The following ACTN4 variants were observed in gnomAD, a reference collection of about 807,000 sequenced individuals.
ACTN4 encodes the protein alpha-actinin-4.
ACTN4 carries 18 observed loss-of-function variants against 114.2 expected under a neutral mutation model. That is an observed-to-expected ratio of 0.16 (90% CI 0.11 to 0.23). The LOEUF is 0.23. Among genes scored for constraint, ACTN4 ranks in the 10% least tolerant of loss-of-function variants. The pLI is 1.00. For missense variants in ACTN4, 722 were observed against 1,262.9 expected (o/e 0.57, Z 6.49); for synonymous variants, 515 against 506.3 (o/e 1.02, Z -0.23).
intron 1 of ACTN4, among the ~76,000 whole-genome samples, chr19:38,668,641 G>A (rs1289370130): frequency 6.6e-6 from 1 of 152,080 alleles, no homozygotes; most frequent in African/African-American, 2.4e-5. Context: ...AGCCGAGGTC[G>A]TGCCACTGCA....
intron 1 of ACTN4, among the ~76,000 whole-genome samples, chr19:38,661,085 G>A (rs980355195): frequency 2.0e-5 from 3 of 152,238 alleles, no homozygotes; most frequent in African/African-American, 7.2e-5. Flanking sequence ...AGCGGAGCCC[G>A]TGGAAGAGAT....
chr19:38,648,689 T>C (rs1183258678), intron 1 of ACTN4, among the ~76,000 whole-genome samples: 1 of 151,826 alleles, frequency 6.6e-6, no homozygotes, highest in Non-Finnish European at 1.5e-5. Flanking sequence ...TGTGGTGCCC[T>C]GTTCCAAAGG....
chr19:38,721,877 A>C lies in ACTN4; in HGVS notation c.1442+189A>C, dbSNP rs556994063. The C allele has an allele frequency of 3.8e-5, 31 of 823,930 alleles. 1 individual carries two copies. The South Asian group carries it at 4.1e-4, about 11-fold the overall frequency. 51.0% of individuals were successfully genotyped at this position (823,930 alleles called of 1,614,324 possible). A position where few individuals can be genotyped will look rare whatever the true frequency, so the allele number is the denominator to read the frequency against. ...TGAGGCCTTTTGCCCATCCTGTCTC[A>C]GCCCCAGGTGGGACACCTGAAGGAT... is the stretch of plus-strand genomic sequence containing the variant. On this transcript the variant is annotated intron_variant, in intron 12 of 20. Transcript: ENST00000252699.
chr19:38,725,850 C>T lies in ACTN4; in HGVS notation c.2137C>T (p.Leu713Phe). 3.7e-6 allele frequency: 6 copies of T among 1,614,182 alleles called. No individual in the cohort carries two copies. ...NLDLLEQQHQ[L>F]IQEALIFDNK... is the part of the protein sequence containing the mutation. ...GGACCTGCTGGAGCAGCAGCACCAG[C>T]TCATCCAGGAGGCCCTCATCTTCGA... The change falls in exon 17 of 21, where the codon CTC becomes TTC. Residue 713 changes from leucine to phenylalanine, a missense_variant. By Grantham distance (22) the Leu-to-Phe change is conservative. Transcript: ENST00000252699.
chr19:38,691,414 AC>A (rs57274898), intron 1 of ACTN4, among the ~76,000 whole-genome samples: 31,507 of 122,974 alleles, frequency 0.26, 4,739 homozygotes, highest in Non-Finnish European at 0.36. Flanking sequence ...AAAAAAAAAA[AC>A]AAAAAAAACA....
At chr19:38,692,996 T>A (rs1324013030) in intron 1 of ACTN4, among the ~76,000 whole-genome samples, 1 of 152,300 alleles carries the variant, frequency 6.6e-6, no homozygotes, top group East Asian at 1.9e-4. Context: ...TCCGGGTACC[T>A]GGGGTTGGGG....
chr19:38,730,989 C>T lies in ACTN4; in HGVS notation c.*1557C>T, dbSNP rs764968513. 8.4e-6 allele frequency: 13 copies of T among 1,551,248 alleles called. No individual in the cohort carries two copies. In the South Asian group the frequency reaches 1.3e-4, roughly 16 times the overall value. Reference sequence around the variant, plus strand: ...CCTGTCTGTGGGTCAGGCAGATGACCCCCTCACCCCCATCCAGGTGCTGGC... The same window carrying T: ...CCTGTCTGTGGGTCAGGCAGATGACTCCCTCACCCCCATCCAGGTGCTGGC... On this transcript the variant is annotated 3_prime_UTR_variant, in exon 21 of 21. Transcript: ENST00000252699.
Position 38,729,477 on chromosome 19 carries a change from G to A in ACTN4, c.*45G>A. The stretch of plus-strand genomic sequence containing the variant: ...AACACCCCCGACGGCCTCCAGGAGG[G>A]GCCTGGGCAGCCCCACAGTCCCATT... On this transcript the variant is annotated 3_prime_UTR_variant, in exon 21 of 21. Transcript: ENST00000252699. The A allele has an allele frequency of 6.7e-7, 1 of 1,495,434 alleles. No homozygotes were observed. Among genetic ancestry groups the A allele is most frequent in the Non-Finnish European group, 9.0e-7 (1 of 1,106,158 alleles). 92.6% of individuals were successfully genotyped at this position (1,495,434 alleles called of 1,614,324 possible).
chr19:38,724,093 C>T lies in ACTN4; in HGVS notation c.1692+16C>T, dbSNP rs1295916046. The T allele has an allele frequency of 6.2e-6, 10 of 1,613,494 alleles. No homozygotes were observed. Among genetic ancestry groups the T allele is most frequent in the African/African-American group, 4.0e-5 (3 of 74,894 alleles). On this transcript the variant is annotated intron_variant, in intron 14 of 20. Coordinates refer to ENST00000252699, the MANE Select transcript of ACTN4 (RefSeq NM_004924.6). This position sits in a 1 kb window ranked among gnomAD's most constrained non-coding sequence, Gnocchi z 7.0. ...GGAGATTGAGGTTCGCACCCCCCGG[C>T]CCCCCATCTTCCCAAGAGCCTCTGT...
At chr19:38,673,045 C>T (rs1383404166) in intron 1 of ACTN4, among the ~76,000 whole-genome samples, 3 of 150,402 alleles carry the variant, frequency 2.0e-5, no homozygotes, top group East Asian at 3.9e-4. Context: ...TGGGTTCAAG[C>T]GATTCTTCTG....
chr19:38,727,396 C>T lies in ACTN4; in HGVS notation c.2337+293C>T, dbSNP rs1040952410. ...GAAGTCTCAGCACACCCAGGCTTTGCGACCCGGTCTGTGAACCTGGACACA... is the reference window on the plus strand; with the variant it reads ...GAAGTCTCAGCACACCCAGGCTTTGTGACCCGGTCTGTGAACCTGGACACA... On this transcript the variant is annotated intron_variant, in intron 18 of 20. Coordinates refer to ENST00000252699, the MANE Select transcript of ACTN4 (RefSeq NM_004924.6). This position sits in a 1 kb window ranked among gnomAD's most constrained non-coding sequence, Gnocchi z 5.4. 2.6e-5 allele frequency among the ~76,000 whole-genome samples: 4 copies of T among 152,116 alleles called. No homozygotes were observed. The South Asian group carries it at 6.2e-4, about 24-fold the overall frequency.
chr19:38,661,047 C>G (rs1222568813), intron 1 of ACTN4, among the ~76,000 whole-genome samples: 1 of 152,066 alleles, frequency 6.6e-6, no homozygotes, highest in Admixed American at 6.6e-5. Flanking sequence ...AGGGGGCCCC[C>G]GAGGAGCAGA....
chr19:38,669,197 G>C (rs1967059302), intron 1 of ACTN4, among the ~76,000 whole-genome samples: 1 of 152,174 alleles, frequency 6.6e-6, no homozygotes, highest in Admixed American at 6.5e-5. Context: ...ATGTTGGCCA[G>C]ATTGGTCTCG....
Position 38,729,877 on chromosome 19 carries a change from G to A in ACTN4, c.*445G>A, listed in dbSNP as rs1227963245. The A allele has an allele frequency of 1.1e-5, 4 of 358,902 alleles. No homozygotes were observed. Among genetic ancestry groups the A allele is most frequent in the South Asian group, 6.2e-5 (3 of 48,234 alleles). The allele number at this position is 358,902 out of a possible 1,614,324, so 22.2% of individuals were successfully genotyped here. A position where few individuals can be genotyped will look rare whatever the true frequency, so the allele number is the denominator to read the frequency against. The stretch of plus-strand genomic sequence containing the variant: ...GCCATGCGAGGGGCCAGCAGAGGGC[G>A]CCACCACCACCTGACGGCTGGGGAC... On this transcript the variant is annotated 3_prime_UTR_variant, in exon 21 of 21. Transcript: ENST00000252699.
chr19:38,699,501 T>C (rs1471084995), intron 1 of ACTN4, among the ~76,000 whole-genome samples: 1 of 152,076 alleles, frequency 6.6e-6, no homozygotes, highest in African/African-American at 2.4e-5. Context: ...ACGCCTGTAA[T>C]CCCAGCAGTT....
At chr19:38,660,597 T>G (rs1976856073) in intron 1 of ACTN4, among the ~76,000 whole-genome samples, 1 of 152,120 alleles carries the variant, frequency 6.6e-6, no homozygotes, top group African/African-American at 2.4e-5. Context: ...GGTTTCTCCT[T>G]GTTGGTCAGG....
intron 1 of ACTN4, among the ~76,000 whole-genome samples, chr19:38,671,433 G>A (rs1967125052): frequency 6.6e-6 from 1 of 152,198 alleles, no homozygotes; most frequent in African/African-American, 2.4e-5. Flanking sequence ...TGCCAGTTCA[G>A]AATTTGTACC....
rs529427181 is a variant in ACTN4, at chr19:38,715,795, G to C, written c.912+1234G>C. Reference sequence around the variant, plus strand: ...GCACGCCTCACAATGTATCCACACAGAGGTATTTCTGTCTTTGAATTTCTC... The same window carrying C: ...GCACGCCTCACAATGTATCCACACACAGGTATTTCTGTCTTTGAATTTCTC... On this transcript the variant is annotated intron_variant, in intron 9 of 20. Coordinates refer to ENST00000252699, the MANE Select transcript of ACTN4 (RefSeq NM_004924.6). 5.9e-5 allele frequency among the ~76,000 whole-genome samples: 9 copies of C among 152,350 alleles called. No homozygotes were observed. In the South Asian group the frequency reaches 1.7e-3, roughly 28 times the overall value.
chr19:38,714,410 C>A, intron 8 of ACTN4, 59 bp from the exon 9 acceptor site: 1 of 1,521,150 alleles, frequency 6.6e-7, no homozygotes, highest in Non-Finnish European at 9.1e-7. Flanking sequence ...AAGGGACGTG[C>A]CCGTCAGGAG....
Sources: gnomAD v4.1 joint callset for allele counts (sites outside exome capture counted in the v4.1 genomes callset) on GRCh38, gnomAD v4.1.1 for gene constraint, Gnocchi (gnomAD v3.1) non-coding constraint, MANE v1.5 for transcripts, NCBI Gene and HGNC (gene_info 2026-07-23, HGNC 2026-07-21) for gene names.